NXPE2: variants seen among roughly 807,000 people sequenced by gnomAD.
NXPE2 encodes neurexophilin and PC-esterase domain family member 2, also known as NXPE family member 2.
In NXPE2, 34 loss-of-function variants were observed where a neutral mutation model predicts 34.4. The ratio of observed to expected loss-of-function variants is 0.99; its 90% CI spans 0.75 to 1.31. The LOEUF is 1.31. Ranked by LOEUF, NXPE2 falls within the 40% of genes most tolerant of loss-of-function variation. The pLI is 0.00. For missense variants in NXPE2, 649 were observed against 672.5 expected (o/e 0.97, Z 0.39); for synonymous variants, 235 against 231.3 (o/e 1.02, Z -0.15).
chr11:114,702,659 T>C (rs1392109754), intron 3 of NXPE2, among the ~76,000 whole-genome samples: 1 of 152,128 alleles, frequency 6.6e-6, no homozygotes, highest in African/African-American at 2.4e-5. Context: ...GCATATTAAA[T>C]AGGTTGGCCA....
chr11:114,739,396 C>T, the NXPE2 span, among the ~76,000 whole-genome samples: 4 of 136,034 alleles, frequency 2.9e-5, no homozygotes, highest in Non-Finnish European at 1.6e-5. Flanking sequence ...CCCTTCCTCC[C>T]TCCCTCCCTC....
chr11:114,466,869 CA>C, the NXPE2 span, among the ~76,000 whole-genome samples: 1 of 152,094 alleles, frequency 6.6e-6, no homozygotes, highest in Non-Finnish European at 1.5e-5. Context: ...GGAAGATGGT[CA>C]TTTGGCAGTG....
chr11:114,651,088 C>A, the NXPE2 span, among the ~76,000 whole-genome samples: 1 of 146,674 alleles, frequency 6.8e-6, no homozygotes, highest in Non-Finnish European at 1.5e-5. Context: ...AATATATATA[C>A]AATATTACAT....
the NXPE2 span, among the ~76,000 whole-genome samples, chr11:114,567,461 C>T: frequency 6.6e-6 from 1 of 151,948 alleles, no homozygotes; most frequent in Non-Finnish European, 1.5e-5. Flanking sequence ...TATACATTTC[C>T]CAATAAGGCT....
At chr11:114,691,064 C>A (rs1007293853) in intron 2 of NXPE2, among the ~76,000 whole-genome samples, 2 of 152,040 alleles carry the variant, frequency 1.3e-5, no homozygotes, top group Admixed American at 1.3e-4. Flanking sequence ...CTGAATTCTA[C>A]ACCTGTCATT....
At chr11:114,495,842 G>T in the NXPE2 span, among the ~76,000 whole-genome samples, 1 of 152,130 alleles carries the variant, frequency 6.6e-6, no homozygotes, top group Non-Finnish European at 1.5e-5. Flanking sequence ...GTAGGATTCT[G>T]CCTGGTGCCC....
At chr11:114,498,066 T>TTAA in the NXPE2 span, among the ~76,000 whole-genome samples, 1 of 152,142 alleles carries the variant, frequency 6.6e-6, no homozygotes, top group African/African-American at 2.4e-5. Flanking sequence ...GTTAAATTTC[T>TTAA]TAAGTGATTA....
the NXPE2 span, among the ~76,000 whole-genome samples, chr11:114,601,953 T>A: frequency 1.2e-5 from 1 of 82,312 alleles, no homozygotes; most frequent in African/African-American, 5.0e-5. Flanking sequence ...TAATTATATA[T>A]AATATTATAT....
chr11:114,751,487 G>A, the NXPE2 span, among the ~76,000 whole-genome samples: 6 of 152,090 alleles, frequency 3.9e-5, no homozygotes, highest in African/African-American at 1.2e-4. Context: ...AAACAAAAGT[G>A]ACAAAACCTA....
chr11:114,626,710 C>G, the NXPE2 span, among the ~76,000 whole-genome samples: 1 of 152,150 alleles, frequency 6.6e-6, no homozygotes, highest in Non-Finnish European at 1.5e-5. Context: ...TTCAGACAAT[C>G]AAATTATTCC....
chr11:114,562,689 G>A, the NXPE2 span, among the ~76,000 whole-genome samples: 10 of 152,166 alleles, frequency 6.6e-5, no homozygotes, highest in Admixed American at 2.0e-4. Context: ...TCTTTCAGTC[G>A]TTGTATCCAA....
chr11:114,571,139 C>G, the NXPE2 span: 1 of 1,613,658 alleles, frequency 6.2e-7, no homozygotes, highest in Non-Finnish European at 8.5e-7. Context: ...TGTACATCTC[C>G]CTGATGTTTT....
chr11:114,576,178 C>T, the NXPE2 span, among the ~76,000 whole-genome samples: 1 of 152,148 alleles, frequency 6.6e-6, no homozygotes, highest in Admixed American at 6.5e-5. Flanking sequence ...ATCCTCATCT[C>T]TTACCTTATA....
chr11:114,558,803 CTA>C, the NXPE2 span, among the ~76,000 whole-genome samples: 1 of 152,166 alleles, frequency 6.6e-6, no homozygotes, highest in Non-Finnish European at 1.5e-5. Flanking sequence ...TATCTATGCC[CTA>C]TGTCCAAGCA....
the NXPE2 span, among the ~76,000 whole-genome samples, chr11:114,658,324 A>G: frequency 6.6e-6 from 1 of 152,194 alleles, no homozygotes; most frequent in Non-Finnish European, 1.5e-5. Flanking sequence ...TGAATTTCTA[A>G]AGGCTGAATG....
At chr11:114,636,667 T>C in the NXPE2 span, among the ~76,000 whole-genome samples, 12 of 152,062 alleles carry the variant, frequency 7.9e-5, no homozygotes, top group Admixed American at 5.9e-4. Context: ...GTTGTGTCTT[T>C]GTTCTCATTG....
chr11:114,539,521 A>G, the NXPE2 span, among the ~76,000 whole-genome samples: 1 of 152,210 alleles, frequency 6.6e-6, no homozygotes, highest in South Asian at 2.1e-4. Flanking sequence ...AAAGGTCTGA[A>G]TGAATGGAAA....
At chr11:114,802,976 A>C in the NXPE2 span, among the ~76,000 whole-genome samples, 3 of 152,124 alleles carry the variant, frequency 2.0e-5, no homozygotes, top group Non-Finnish European at 4.4e-5. Flanking sequence ...GTGTTTACAG[A>C]GAGGCCGTGG....
At chr11:114,694,410 T>G (rs1288227335) in intron 2 of NXPE2, among the ~76,000 whole-genome samples, 1 of 152,244 alleles carries the variant, frequency 6.6e-6, no homozygotes, top group Non-Finnish European at 1.5e-5. Context: ...GAAAGTGATA[T>G]GCCTAGAGGT....
Sources: allele counts gnomAD v4.1 joint callset (sites outside exome capture counted in the v4.1 genomes callset), GRCh38; gene constraint gnomAD v4.1.1; transcripts MANE v1.5; gene names NCBI Gene and HGNC (gene_info 2026-07-23, HGNC 2026-07-21).